CRIM1: variants seen among roughly 807,000 people sequenced by gnomAD.
CRIM1 encodes cysteine rich transmembrane BMP regulator 1.
CRIM1 carries 32 observed loss-of-function variants against 116.4 expected under a neutral mutation model. The observed-to-expected ratio is 0.27, with a 90% CI of 0.21 to 0.37. The LOEUF is 0.37. CRIM1 is among the 10% of genes least tolerant of loss of function. CRIM1 has a pLI of 1.00. For synonymous variants in CRIM1, 590 were observed against 509.2 expected, an observed-to-expected ratio of 1.16 and a Z score of -2.13; for missense variants, 1,331 against 1,354.8, an observed-to-expected ratio of 0.98 and a Z score of 0.28.
chr2:36,449,339 C>T (rs1306873279), intron 4 of CRIM1, among the ~76,000 whole-genome samples: 1 of 152,172 alleles, frequency 6.6e-6, no homozygotes, highest in Non-Finnish European at 1.5e-5. Context: ...TGCACTGTCC[C>T]TTGTGGCCCT....
Position 36,513,762 on chromosome 2 carries a change from G to A in CRIM1, c.1987G>A (p.Ala663Thr), listed in dbSNP as rs762569496. 6.2e-7 allele frequency: 1 copy of A among 1,613,604 alleles called. No homozygotes were observed. Among genetic ancestry groups the A allele is most frequent in the African/African-American group, 1.3e-5 (1 of 75,052 alleles). The change falls in exon 11 of 17, where the codon GCA becomes ACA. Residue 663 changes from alanine to threonine, a missense_variant. Ala to Thr is a moderately conservative substitution (Grantham distance 58). Coordinates refer to ENST00000280527, the MANE Select transcript of CRIM1 (RefSeq NM_016441.3). ...CCCTGGACAGTGCTGCCCATCATGT[G>A]CAGGTAAAAGCTGGCTGCCATCTGT... ...IHPGQCCPSCADDFVVQKPEL... is the reference protein window; with the variant it reads ...IHPGQCCPSCTDDFVVQKPEL...
intron 4 of CRIM1, among the ~76,000 whole-genome samples, chr2:36,456,829 ATT>A (rs1181230779): frequency 1.4e-5 from 2 of 142,474 alleles, no homozygotes; most frequent in Admixed American, 7.0e-5. Context: ...ACTAACCCTG[ATT>A]TTTTTTTTTT....
intron 2 of CRIM1, among the ~76,000 whole-genome samples, chr2:36,422,798 A>C (rs1479193164): frequency 1.3e-5 from 2 of 152,190 alleles, no homozygotes; most frequent in Non-Finnish European, 2.9e-5. Context: ...GGTTGTTCTC[A>C]TAGGAGCTGT....
At position 36,442,598 on chromosome 2, in the gene CRIM1, CTG is replaced by C; in HGVS notation, c.749-15_749-14del. On this transcript the variant is annotated splice_polypyrimidine_tract_variant and intron_variant, in intron 3 of 16. Coordinates refer to ENST00000280527, the MANE Select transcript of CRIM1 (RefSeq NM_016441.3). The stretch of plus-strand genomic sequence containing the variant: ...AAATATAACAATAAACGGTGCCTCT[CTG>C]TTTGCCCCTTTCAGTTTTCGGCGTG... 6.2e-7 allele frequency: 1 copy of C among 1,614,130 alleles called. No individual in the cohort carries two copies. Among genetic ancestry groups the C allele is most frequent in the Non-Finnish European group, 8.5e-7 (1 of 1,179,974 alleles).
chr2:36,435,710 A>T (rs76573900), intron 2 of CRIM1, among the ~76,000 whole-genome samples: 2,563 of 152,172 alleles, frequency 0.017, 63 homozygotes, highest in African/African-American at 0.058. Context: ...AAGAGGGCCT[A>T]AAAATGGCCA....
Position 36,550,572 on chromosome 2 carries a change from A to T in CRIM1, c.*1871A>T, listed in dbSNP as rs1352930343. 1 of 152,454 alleles carries T rather than the reference A, an allele frequency of 6.6e-6. No homozygotes were observed. The highest frequency in any genetic ancestry group is 1.5e-5 in the Non-Finnish European group (1 of 68,014). 9.4% of individuals were successfully genotyped at this position (152,454 alleles called of 1,614,324 possible). A position where few individuals can be genotyped will look rare whatever the true frequency, so the allele number is the denominator to read the frequency against. On this transcript the variant is annotated 3_prime_UTR_variant, in exon 17 of 17. Transcript: ENST00000280527. The stretch of plus-strand genomic sequence containing the variant: ...AATTAATTTATTATTATAATGACCT[A>T]ATTTATTAATCTGAAGATTAACCAT...
chr2:36,498,078 C>T lies in CRIM1; in HGVS notation c.1373-1141C>T, dbSNP rs1001680228. On this transcript the variant is annotated intron_variant, in intron 7 of 16. Coordinates refer to ENST00000280527, the MANE Select transcript of CRIM1 (RefSeq NM_016441.3). ...GTAGGTAGAGACATTCTATACTCAG[C>T]TCTTTCACAAAGATATTGTGAGCAA... Among the ~76,000 whole-genome samples the T allele has an allele frequency of 8.5e-5, 13 of 152,324 alleles. No individual in the cohort carries two copies. The East Asian group carries it at 9.6e-4, about 11-fold the overall frequency.
At chr2:36,408,656 C>T (rs1204740368) in intron 2 of CRIM1, among the ~76,000 whole-genome samples, 1 of 152,176 alleles carries the variant, frequency 6.6e-6, no homozygotes, top group African/African-American at 2.4e-5. Flanking sequence ...TCTCCATCAA[C>T]CAGAGGGTTT....
rs888428778 is a variant in CRIM1, at chr2:36,549,447, G to A, written c.*746G>A. The A allele has an allele frequency of 6.6e-6, 1 of 151,360 alleles. No homozygotes were observed. The highest frequency in any genetic ancestry group is 2.1e-4 in the South Asian group (1 of 4,754). The allele number at this position is 151,360 out of a possible 1,614,324, so 9.4% of individuals were successfully genotyped here. A position where few individuals can be genotyped will look rare whatever the true frequency, so the allele number is the denominator to read the frequency against. ...GAGTCAGCACATGAACAAGATCTAA[G>A]TCATTTCTTGATGTGAGCACTGGAG... On this transcript the variant is annotated 3_prime_UTR_variant, in exon 17 of 17. Transcript: ENST00000280527.
At chr2:36,413,820 A>AC (rs1372156602) in intron 2 of CRIM1, among the ~76,000 whole-genome samples, 2 of 152,310 alleles carry the variant, frequency 1.3e-5, no homozygotes, top group East Asian at 1.9e-4. Flanking sequence ...ATACACTTGT[A>AC]AAGTGTATGT....
intron 3 of CRIM1, 42 bp downstream of exon 3, chr2:36,441,542 CAG>C (rs1675826864): frequency 1.9e-6 from 3 of 1,592,868 alleles, no homozygotes; most frequent in Non-Finnish European, 2.6e-6. Context: ...TCCTTTGCAT[CAG>C]AGGGTAGCAG....
At chr2:36,395,410 G>A (rs1452278601) in intron 1 of CRIM1, among the ~76,000 whole-genome samples, 1 of 152,200 alleles carries the variant, frequency 6.6e-6, no homozygotes, top group Non-Finnish European at 1.5e-5. Flanking sequence ...ATGCTTATCA[G>A]AAACATGTTT....
At chr2:36,451,762 C>T (rs1458055373) in intron 4 of CRIM1, among the ~76,000 whole-genome samples, 2 of 152,196 alleles carry the variant, frequency 1.3e-5, no homozygotes, top group African/African-American at 4.8e-5. Flanking sequence ...GCTGTCAACA[C>T]AGTGCGCATC....
At chr2:36,540,925 CATTAGAG>C (rs529842051) in intron 14 of CRIM1, among the ~76,000 whole-genome samples, 8 of 152,208 alleles carry the variant, frequency 5.3e-5, no homozygotes, top group Non-Finnish European at 1.0e-4. Context: ...CCTTGTTCAT[CATTAGAG>C]ATTTCTCCAG....
chr2:36,507,455 AC>A (rs1449222221), intron 8 of CRIM1, among the ~76,000 whole-genome samples: 1 of 152,204 alleles, frequency 6.6e-6, no homozygotes, highest in East Asian at 1.9e-4. Flanking sequence ...GTTGTTGAAT[AC>A]CCACTCTGTA....
In CRIM1 at chr2:36,534,217, TAAG is replaced by T. The variant is rs1211846953; in HGVS notation, c.2429-3134_2429-3132del. 1.9e-3 allele frequency among the ~76,000 whole-genome samples: 139 copies of T among 73,298 alleles called. 1 individual carries two copies. The highest frequency in any genetic ancestry group is 7.5e-3 in the African/African-American group (132 of 17,586). The allele number at this position is 73,298 out of a possible 152,430, so 48.1% of individuals were successfully genotyped here. A position where few individuals can be genotyped will look rare whatever the true frequency, so the allele number is the denominator to read the frequency against. On this transcript the variant is annotated intron_variant, in intron 13 of 16. Transcript: ENST00000280527. ...AGGAGGGAGAAAAGGATGGGAAAGATAAGGAAGGAAGGAGGGTGGGGAAGGAGG... is the reference window on the plus strand; with the variant it reads ...AGGAGGGAGAAAAGGATGGGAAAGATGAAGGAAGGAGGGTGGGGAAGGAGG...
chr2:36,441,386 T>TGCAACCCCGCAGGCTGTCTGC lies in CRIM1; in HGVS notation c.639_659dup (p.Asn213_Arg219dup). The TGCAACCCCGCAGGCTGTCTGC allele has an allele frequency of 6.2e-7, 1 of 1,614,230 alleles. No individual in the cohort carries two copies. The highest frequency in any genetic ancestry group is 8.5e-7 in the Non-Finnish European group (1 of 1,180,038). Reference sequence around the variant, plus strand: ...CTGTCCCTTACCCAGCCGCTGCGTGTGCAACCCCGCAGGCTGTCTGCGCAA... The same window carrying TGCAACCCCGCAGGCTGTCTGC: ...CTGTCCCTTACCCAGCCGCTGCGTGTGCAACCCCGCAGGCTGTCTGCGCAACCCCGCAGGCTGTCTGCGCAA... On this transcript the variant is annotated inframe_insertion, in exon 3 of 17. Coordinates refer to ENST00000280527, the MANE Select transcript of CRIM1 (RefSeq NM_016441.3).
intron 2 of CRIM1, among the ~76,000 whole-genome samples, chr2:36,419,698 G>A (rs556457791): frequency 6.6e-6 from 1 of 152,302 alleles, no homozygotes; most frequent in Admixed American, 6.5e-5. Flanking sequence ...TGAGCATAAA[G>A]CTTCATTTCA....
intron 1 of CRIM1, among the ~76,000 whole-genome samples, chr2:36,394,222 C>G (rs1409820435): frequency 6.6e-6 from 1 of 152,158 alleles, no homozygotes; most frequent in Non-Finnish European, 1.5e-5. Flanking sequence ...GACAAATATA[C>G]ATGGCTTCCA....
Sources: allele counts gnomAD v4.1 joint callset (sites outside exome capture counted in the v4.1 genomes callset), GRCh38; gene constraint gnomAD v4.1.1; transcripts MANE v1.5; gene names NCBI Gene and HGNC (gene_info 2026-07-23, HGNC 2026-07-21).